The following PPFIA2 variants were observed in gnomAD, a reference collection of about 807,000 sequenced individuals.
PPFIA2 encodes the protein liprin-alpha-2.
A neutral mutation model predicts 175.5 loss-of-function variants in PPFIA2; 46 were observed. The observed-to-expected ratio is 0.26, with a 90% CI of 0.21 to 0.34. PPFIA2 has a LOEUF of 0.34. Ranked by LOEUF, PPFIA2 falls within the 10% of genes least tolerant of loss-of-function variation. The pLI is 1.00. For missense variants in PPFIA2, 1,179 were observed against 1,506.1 expected (o/e 0.78, Z 3.60); for synonymous variants, 568 against 511.4 (o/e 1.11, Z -1.49).
chr12:81,483,829 T>C (rs1284054505), intron 4 of PPFIA2, among the ~76,000 whole-genome samples: 1 of 152,126 alleles, frequency 6.6e-6, no homozygotes, highest in Admixed American at 6.6e-5. Flanking sequence ...TCAATTTTAA[T>C]GAAATTTCTG....
intron 22 of PPFIA2, among the ~76,000 whole-genome samples, chr12:81,308,557 G>C (rs879497146): frequency 9.2e-5 from 14 of 152,226 alleles, no homozygotes; most frequent in Non-Finnish European, 4.4e-5. Flanking sequence ...GAAAAATGAG[G>C]ATAATAGCAC....
chr12:81,319,398 C>T (rs2053166180), intron 22 of PPFIA2, among the ~76,000 whole-genome samples: 1 of 151,730 alleles, frequency 6.6e-6, no homozygotes, highest in Non-Finnish European at 1.5e-5. Flanking sequence ...GTAGGTAGGG[C>T]TATACATGAT....
At chr12:81,277,744 T>C (rs568754806) in intron 27 of PPFIA2, among the ~76,000 whole-genome samples, 1 of 152,180 alleles carries the variant, frequency 6.6e-6, no homozygotes, top group Non-Finnish European at 1.5e-5. Flanking sequence ...TTTATTCACT[T>C]GAAAAGAATT....
intron 4 of PPFIA2, among the ~76,000 whole-genome samples, chr12:81,667,906 A>G (rs2070660818): frequency 6.6e-6 from 1 of 152,170 alleles, no homozygotes; most frequent in African/African-American, 2.4e-5. Context: ...TATCTGCTTC[A>G]TAGGTCTTTC....
chr12:81,702,896 A>G (rs949100278), intron 3 of PPFIA2, among the ~76,000 whole-genome samples: 3 of 152,154 alleles, frequency 2.0e-5, no homozygotes, highest in Non-Finnish European at 4.4e-5. Flanking sequence ...GGACACACCA[A>G]GAAGGCAACT....
intron 3 of PPFIA2, among the ~76,000 whole-genome samples, chr12:81,685,099 G>A (rs2074240369): frequency 6.6e-6 from 1 of 151,982 alleles, no homozygotes. Flanking sequence ...ACATCTCATA[G>A]TGTGTTGGTT....
intron 7 of PPFIA2, among the ~76,000 whole-genome samples, chr12:81,410,767 A>T (rs2043798958): frequency 6.6e-6 from 1 of 152,054 alleles, no homozygotes; most frequent in Admixed American, 6.6e-5. Flanking sequence ...TCAGAATATT[A>T]TTACTTTACA....
intron 4 of PPFIA2, among the ~76,000 whole-genome samples, chr12:81,607,203 T>C (rs1259443470): frequency 1.3e-5 from 2 of 152,152 alleles, no homozygotes; most frequent in Non-Finnish European, 2.9e-5. Flanking sequence ...CTGTTTTGGT[T>C]ACTGGAGGCT....
intron 21 of PPFIA2, among the ~76,000 whole-genome samples, chr12:81,338,333 C>T (rs1329960138): frequency 6.6e-6 from 1 of 152,024 alleles, no homozygotes; most frequent in Non-Finnish European, 1.5e-5. Flanking sequence ...GACAACCCCC[C>T]ATAAGTGAAG....
chr12:81,591,556 G>A (rs1285462257), intron 4 of PPFIA2, among the ~76,000 whole-genome samples: 3 of 152,128 alleles, frequency 2.0e-5, no homozygotes, highest in Admixed American at 2.0e-4. Flanking sequence ...TCATGGGCCG[G>A]GCCCAGGGTC....
chr12:81,436,008 T>C (rs1003542325), intron 7 of PPFIA2, among the ~76,000 whole-genome samples: 1 of 151,642 alleles, frequency 6.6e-6, no homozygotes, highest in Admixed American at 6.6e-5. Flanking sequence ...CTGGGTGAGG[T>C]GGCTCATGCC....
chr12:81,514,095 T>A (rs769625531), intron 4 of PPFIA2, among the ~76,000 whole-genome samples: 4 of 152,002 alleles, frequency 2.6e-5, no homozygotes, highest in Non-Finnish European at 5.9e-5. Flanking sequence ...AAATCTTTTA[T>A]CTCTGCCTCA....
chr12:81,600,267 T>C (rs1265020963), intron 4 of PPFIA2, among the ~76,000 whole-genome samples: 1 of 151,990 alleles, frequency 6.6e-6, no homozygotes, highest in Admixed American at 6.6e-5. Flanking sequence ...ATACTTACTT[T>C]ACACTCTGGT....
intron 7 of PPFIA2, among the ~76,000 whole-genome samples, chr12:81,436,397 T>G (rs1389897823): frequency 6.7e-6 from 1 of 150,194 alleles, no homozygotes; most frequent in Non-Finnish European, 1.5e-5. Context: ...GCAGGACTTT[T>G]GCTCTGGTTC....
chr12:81,503,201 T>C (rs1419277647), intron 4 of PPFIA2, among the ~76,000 whole-genome samples: 2 of 152,148 alleles, frequency 1.3e-5, no homozygotes, highest in Admixed American at 6.6e-5. Context: ...GGTAACAACC[T>C]TCTAACTGAT....
intron 22 of PPFIA2, among the ~76,000 whole-genome samples, chr12:81,306,541 GTTTTTT>G (rs34245260): frequency 3.7e-5 from 4 of 107,194 alleles, no homozygotes; most frequent in African/African-American, 1.0e-4. Flanking sequence ...TTGTTTCGTT[GTTTTTT>G]TTTTTTTTTT....
intron 24 of PPFIA2, chr12:81,294,435 TAGGTAGGA>T (rs1247227730): frequency 1.4e-3 from 120 of 83,360 alleles, no homozygotes; most frequent in Admixed American, 6.5e-3. Context: ...GGAAGGAAGG[TAGGTAGGA>T]AGGAAGGAAG....
At chr12:81,532,420 C>A (rs970609695) in intron 4 of PPFIA2, among the ~76,000 whole-genome samples, 1 of 151,724 alleles carries the variant, frequency 6.6e-6, no homozygotes, top group Non-Finnish European at 1.5e-5. Flanking sequence ...GCCATGAGGT[C>A]AAGTAGTCCT....
chr12:81,436,720 A>G (rs1368014596), intron 7 of PPFIA2, among the ~76,000 whole-genome samples: 1 of 152,160 alleles, frequency 6.6e-6, no homozygotes, highest in Non-Finnish European at 1.5e-5. Context: ...CAATTTTATT[A>G]AGAAGTTAAA....
Sources: allele counts gnomAD v4.1 joint callset (sites outside exome capture counted in the v4.1 genomes callset), GRCh38; gene constraint gnomAD v4.1.1; transcripts MANE v1.5; gene names NCBI Gene and HGNC (gene_info 2026-07-23, HGNC 2026-07-21).